The following KALRN variants were observed in gnomAD, a reference collection of about 807,000 sequenced individuals.
KALRN encodes the protein kalirin RhoGEF kinase.
Under a neutral mutation model 353.7 loss-of-function variants are expected in KALRN, and 70 were observed. The ratio of observed to expected loss-of-function variants is 0.20; its 90% CI spans 0.16 to 0.24. The LOEUF is 0.24. Ranked by LOEUF, KALRN falls within the 10% of genes least tolerant of loss-of-function variation. The pLI is 1.00. For synonymous variants in KALRN, 1,391 were observed against 1,434.8 expected, an observed-to-expected ratio of 0.97 and a Z score of 0.69; for missense variants, 2,791 against 3,756.7, an observed-to-expected ratio of 0.74 and a Z score of 6.72.
chr3:124,293,420 A>G (rs907242136), intron 5 of KALRN, among the ~76,000 whole-genome samples: 4 of 152,220 alleles, frequency 2.6e-5, no homozygotes, highest in African/African-American at 9.6e-5. Context: ...GAAATAATTT[A>G]TGCTTCTTAA....
At chr3:124,521,280 A>T (rs556028811) in intron 33 of KALRN, among the ~76,000 whole-genome samples, 13 of 152,348 alleles carry the variant, frequency 8.5e-5, no homozygotes, top group Admixed American at 2.0e-4. Context: ...GTGAGTAAAC[A>T]GTCCCTGTTC....
At chr3:124,465,359 T>C (rs1051375071) in intron 25 of KALRN, among the ~76,000 whole-genome samples, 6 of 152,036 alleles carry the variant, frequency 3.9e-5, no homozygotes, top group African/African-American at 1.4e-4. Flanking sequence ...TAAGTAAACA[T>C]TGAGTAAATA....
chr3:124,665,277 G>T (rs1192023823), intron 45 of KALRN, among the ~76,000 whole-genome samples: 4 of 152,124 alleles, frequency 2.6e-5, no homozygotes, highest in South Asian at 4.1e-4. Flanking sequence ...AGTGCAAGGT[G>T]CTCTGACAGA....
intron 34 of KALRN, among the ~76,000 whole-genome samples, chr3:124,588,453 C>T (rs1217374455): frequency 6.6e-6 from 1 of 152,170 alleles, no homozygotes; most frequent in East Asian, 1.9e-4. Context: ...GAGATGGAGT[C>T]TCGCTCTGTC....
In KALRN at chr3:124,678,330, G is replaced by A. The variant is rs187806001; in HGVS notation, c.7317+17G>A. The A allele has an allele frequency of 7.7e-5, 124 of 1,612,390 alleles. No homozygotes were observed. In the Admixed American group the frequency reaches 1.7e-3, roughly 22 times the overall value. ...TCTGTTAAAGTGAGTAAGGTATTCC[G>A]GAGCTGCGTCCCCACCTGTCATCCA... is the stretch of plus-strand genomic sequence containing the variant. On this transcript the variant is annotated intron_variant, in intron 50 of 59. Coordinates refer to ENST00000682506, the MANE Select transcript of KALRN (RefSeq NM_001388419.1).
chr3:124,287,682 C>G (rs763469295), intron 5 of KALRN, among the ~76,000 whole-genome samples: 1 of 149,554 alleles, frequency 6.7e-6, no homozygotes, highest in East Asian at 2.0e-4. Context: ...TAAGTCTCCA[C>G]GTGAACATTT....
At chr3:124,496,019 A>ATACACCCCCTCTG (rs1554006930) in intron 32 of KALRN, among the ~76,000 whole-genome samples, 26 of 51,444 alleles carry the variant, frequency 5.1e-4, no homozygotes, top group Non-Finnish European at 8.0e-4. Flanking sequence ...ATATACACAC[A>ATACACCCCCTCTG]CATATATACA....
chr3:124,174,288 C>A (rs1404711262), intron 1 of KALRN, among the ~76,000 whole-genome samples: 3 of 151,842 alleles, frequency 2.0e-5, no homozygotes, highest in Non-Finnish European at 4.4e-5. Context: ...ACAAAAAATG[C>A]CTGGCCCTGG....
chr3:124,084,797 A>G (rs962965923), intron 1 of KALRN, among the ~76,000 whole-genome samples: 39 of 152,326 alleles, frequency 2.6e-4, no homozygotes, highest in African/African-American at 9.4e-4. Flanking sequence ...CATGGGCACA[A>G]TTGCTGAGTC....
At chr3:124,221,042 A>C (rs1213756604) in intron 1 of KALRN, among the ~76,000 whole-genome samples, 1 of 152,160 alleles carries the variant, frequency 6.6e-6, no homozygotes, top group Non-Finnish European at 1.5e-5. Context: ...CTCCGAAGGC[A>C]CTTGCAGTGG....
intron 33 of KALRN, among the ~76,000 whole-genome samples, chr3:124,560,896 C>T (rs904832853): frequency 2.0e-5 from 3 of 152,112 alleles, no homozygotes; most frequent in African/African-American, 7.2e-5. Flanking sequence ...GAAGGCATTC[C>T]CAGGCCCTAA....
chr3:124,339,904 A>G lies in KALRN; in HGVS notation c.1647+5409A>G, dbSNP rs141559104. Among the ~76,000 whole-genome samples, 241 of 152,328 alleles carry G rather than the reference A, an allele frequency of 1.6e-3. 2 individuals carry two copies. Among genetic ancestry groups the G allele is most frequent in the African/African-American group, 5.2e-3 (215 of 41,572 alleles). On this transcript the variant is annotated intron_variant, in intron 9 of 59. Coordinates refer to ENST00000682506, the MANE Select transcript of KALRN (RefSeq NM_001388419.1). ...TTTCAAATAAGATGACTTATCAGAG[A>G]GAACCAGGTGAGGAATCAGAGAGGT...
At chr3:124,237,986 A>C (rs773140591) in intron 3 of KALRN, among the ~76,000 whole-genome samples, 9 of 152,194 alleles carry the variant, frequency 5.9e-5, no homozygotes, top group Non-Finnish European at 1.2e-4. Flanking sequence ...TTTAGAATAG[A>C]TGATTAAACA....
chr3:124,482,093 G>A (rs1027079947), intron 27 of KALRN, among the ~76,000 whole-genome samples: 6 of 152,150 alleles, frequency 3.9e-5, no homozygotes, highest in African/African-American at 1.4e-4. Context: ...TGGAGGCCAC[G>A]GCCCTAGCCT....
chr3:124,662,000 C>G (rs1675798844), intron 45 of KALRN, 72 bp downstream of exon 45: 2 of 1,196,782 alleles, frequency 1.7e-6, no homozygotes, highest in African/African-American at 1.5e-5. Flanking sequence ...GCGGCTTCCT[C>G]CCCCTGAAGC....
At chr3:124,563,786 C>T (rs2072362701) in intron 34 of KALRN, among the ~76,000 whole-genome samples, 1 of 152,080 alleles carries the variant, frequency 6.6e-6, no homozygotes, top group Admixed American at 6.6e-5. Context: ...GCCCTGGGAA[C>T]CTGTTAGAAA....
chr3:124,329,890 G>A lies in KALRN; in HGVS notation c.1314G>A (p.Lys438=), dbSNP rs1421561350. 2 of 1,613,756 alleles carry A rather than the reference G, an allele frequency of 1.2e-6. No homozygotes were observed. The highest frequency in any genetic ancestry group is 2.7e-5 in the African/African-American group (2 of 74,892). The change falls in exon 8 of 60, where the codon AAG becomes AAA. Residue 438 remains lysine (K), a synonymous_variant. Transcript: ENST00000682506. The stretch of plus-strand genomic sequence containing the variant: ...TGTCGGGAGTGGATGCCTGGTGCAA[G>A]ATGTGCAGTGAAGGTGGTCTGCCAT... ...QFLSGVDAWC[K]MCSEGGLPSE...
At chr3:124,577,120 C>T (rs1031666958) in intron 34 of KALRN, among the ~76,000 whole-genome samples, 1 of 152,002 alleles carries the variant, frequency 6.6e-6, no homozygotes, top group African/African-American at 2.4e-5. Flanking sequence ...GTTGGCCATT[C>T]TGGGGAGACA....
At chr3:124,580,947 AAAT>A (rs145377277) in intron 34 of KALRN, among the ~76,000 whole-genome samples, 26 of 147,572 alleles carry the variant, frequency 1.8e-4, no homozygotes, top group Middle Eastern at 6.9e-3. Flanking sequence ...GTCTCTATTA[AAAT>A]AATAATAATA....
Sources: gnomAD v4.1 joint callset for allele counts (sites outside exome capture counted in the v4.1 genomes callset) on GRCh38, gnomAD v4.1.1 for gene constraint, MANE v1.5 for transcripts, NCBI Gene and HGNC (gene_info 2026-07-23, HGNC 2026-07-21) for gene names.